Variants in HECW2 observed in about 807,000 individuals in gnomAD.
HECW2 encodes HECT, C2 and WW domain containing E3 ubiquitin protein ligase 2.
In HECW2, 61 loss-of-function variants were observed where a neutral mutation model predicts 175.2. That is an observed-to-expected ratio of 0.35 (90% CI 0.28 to 0.43). The LOEUF is 0.43. Among genes scored for constraint, HECW2 ranks in the 20% least tolerant of loss-of-function variants. The pLI is 1.00. For missense variants in HECW2, 1,524 were observed against 2,000.5 expected (o/e 0.76, Z 4.54); for synonymous variants, 671 against 731.0 (o/e 0.92, Z 1.32).
In HECW2 at chr2:196,228,266, A is replaced by G. The variant is rs778137721; in HGVS notation, c.3765-12T>C. 6.3e-7 allele frequency: 1 copy of G among 1,583,408 alleles called. No individual in the cohort carries two copies. Among genetic ancestry groups the G allele is most frequent in the East Asian group, 2.2e-5 (1 of 44,662 alleles). ...CACTGTAATCCAGCCTGTAACAAAA[A>G]TCCACAAAAAGAATAATCTGTTACT... On this transcript the variant is annotated splice_polypyrimidine_tract_variant and intron_variant, in intron 21 of 28. Transcript: ENST00000644978.
intron 1 of HECW2, chr2:196,493,309 A>C (rs1191759880): frequency 6.6e-6 from 1 of 152,264 alleles, no homozygotes; most frequent in Non-Finnish European, 1.5e-5. Flanking sequence ...TCAAGGCTGC[A>C]GTGAGATGTG....
intron 1 of HECW2, among the ~76,000 whole-genome samples, chr2:196,443,295 A>C (rs1301635358): frequency 6.6e-6 from 1 of 152,200 alleles, no homozygotes; most frequent in Admixed American, 6.5e-5. Flanking sequence ...ATAAAAGAAA[A>C]AAGCCACTAA....
chr2:196,368,049 T>A (rs1272184492), intron 2 of HECW2, among the ~76,000 whole-genome samples: 1 of 152,154 alleles, frequency 6.6e-6, no homozygotes, highest in South Asian at 2.1e-4. Context: ...TAGGTTGCTT[T>A]CAAATCTTGG....
At chr2:196,544,483 T>C (rs965489610) in intron 1 of HECW2, among the ~76,000 whole-genome samples, 1 of 152,194 alleles carries the variant, frequency 6.6e-6, no homozygotes, top group Non-Finnish European at 1.5e-5. Flanking sequence ...CAACTCCTGA[T>C]TGCTGTAACC....
intron 1 of HECW2, among the ~76,000 whole-genome samples, chr2:196,440,590 C>T (rs1696010525): frequency 6.6e-6 from 1 of 152,164 alleles, no homozygotes; most frequent in South Asian, 2.1e-4. Flanking sequence ...TACTCAATAA[C>T]AGAGAACAGC....
chr2:196,274,295 T>G (rs568236640), intron 15 of HECW2, among the ~76,000 whole-genome samples, 172 bp from the exon 16 acceptor site: 1 of 152,316 alleles, frequency 6.6e-6, no homozygotes, highest in Admixed American at 6.5e-5. Context: ...GAAAGCCTTG[T>G]TTTAGTGGCT....
intron 2 of HECW2, among the ~76,000 whole-genome samples, chr2:196,427,278 T>G (rs1284392270): frequency 2.0e-5 from 3 of 151,426 alleles, no homozygotes; most frequent in African/African-American, 7.3e-5. Context: ...GTACATAGCA[T>G]AGTATACACT....
chr2:196,380,658 T>C (rs1339801861), intron 2 of HECW2, among the ~76,000 whole-genome samples: 1 of 152,118 alleles, frequency 6.6e-6, no homozygotes, highest in Non-Finnish European at 1.5e-5. Context: ...ACATGTCAGG[T>C]AGTGACAATT....
chr2:196,270,757 G>A (rs1033236670), intron 17 of HECW2, among the ~76,000 whole-genome samples: 15 of 151,582 alleles, frequency 9.9e-5, no homozygotes, highest in African/African-American at 3.6e-4. Flanking sequence ...CTGGAGTGCA[G>A]TGGTGCAAAT....
chr2:196,521,424 T>C (rs944786274), intron 1 of HECW2, among the ~76,000 whole-genome samples: 15 of 151,956 alleles, frequency 9.9e-5, no homozygotes, highest in Non-Finnish European at 1.8e-4. Flanking sequence ...AACTTATATA[T>C]GAATATTACA....
At chr2:196,372,886 C>G (rs566000582) in intron 2 of HECW2, among the ~76,000 whole-genome samples, 2 of 152,216 alleles carry the variant, frequency 1.3e-5, no homozygotes, top group Admixed American at 6.5e-5. Context: ...AAATGGACAC[C>G]TTTTTAGCTG....
chr2:196,219,952 G>A, intron 26 of HECW2, 87 bp downstream of exon 26: 1 of 826,466 alleles, frequency 1.2e-6, no homozygotes, highest in South Asian at 1.5e-5. Context: ...AAGTGCTGTT[G>A]CCTGTCCTAT....
intron 2 of HECW2, among the ~76,000 whole-genome samples, chr2:196,347,465 A>C (rs574819057): frequency 6.6e-6 from 1 of 152,040 alleles, no homozygotes; most frequent in Admixed American, 6.5e-5. Flanking sequence ...GCCTGCCTCA[A>C]CCTCTGAAAC....
chr2:196,461,723 G>A (rs192287741), intron 1 of HECW2, among the ~76,000 whole-genome samples: 25 of 152,222 alleles, frequency 1.6e-4, no homozygotes, highest in African/African-American at 5.8e-4. Flanking sequence ...ATGAATGCAG[G>A]AGGAACCACC....
intron 22 of HECW2, among the ~76,000 whole-genome samples, chr2:196,227,794 T>C (rs574447763): frequency 6.1e-4 from 93 of 152,318 alleles, no homozygotes; most frequent in African/African-American, 2.0e-3. Context: ...GAGAGGAATA[T>C]AGGGATCTCA....
At chr2:196,227,637 C>A (rs1687902551) in intron 22 of HECW2, among the ~76,000 whole-genome samples, 1 of 152,128 alleles carries the variant, frequency 6.6e-6, no homozygotes. Flanking sequence ...AGTCAGAGCC[C>A]CAGCCAGAGT....
chr2:196,245,442 CAAGGGCATGTGA>C, intron 19 of HECW2, among the ~76,000 whole-genome samples: 1 of 152,242 alleles, frequency 6.6e-6, no homozygotes, highest in African/African-American at 2.4e-5. Context: ...TGCAGGTGGA[CAAGGGCATGTGA>C]AACTTTATAC....
At chr2:196,269,515 A>AAAAAAAAAAAAAAAAAC (rs1689647385) in intron 17 of HECW2, 1 of 151,030 alleles carries the variant, frequency 6.6e-6, no homozygotes, top group Non-Finnish European at 1.5e-5. Context: ...AAAAAAAAAA[A>AAAAAAAAAAAAAAAAAC]AAAAAAGACA....
At chr2:196,296,241 A>G (rs1690810280) in intron 13 of HECW2, among the ~76,000 whole-genome samples, 1 of 152,210 alleles carries the variant, frequency 6.6e-6, no homozygotes, top group South Asian at 2.1e-4. Flanking sequence ...TGCAGATTCT[A>G]GTCTCAGCTC....
Sources: gnomAD v4.1 joint callset for allele counts (sites outside exome capture counted in the v4.1 genomes callset) on GRCh38, gnomAD v4.1.1 for gene constraint, MANE v1.5 for transcripts, NCBI Gene and HGNC (gene_info 2026-07-23, HGNC 2026-07-21) for gene names.